Variants in ATRX observed in about 807,000 individuals in gnomAD.
ATRX encodes the protein chromatin remodeler ATRX.
In ATRX, 12 loss-of-function variants were observed where a neutral mutation model predicts 172.6. That is an observed-to-expected ratio of 0.07 (90% confidence interval 0.04 to 0.11). ATRX has a LOEUF of 0.11. Among genes scored for constraint, ATRX ranks in the 10% least tolerant of loss-of-function variants. The pLI, the probability that ATRX is intolerant of heterozygous loss-of-function variation, is 1.00. For missense variants in ATRX, 1,368 were observed against 1,767.4 expected (o/e 0.77, Z 4.05); for synonymous variants, 674 against 594.7 (o/e 1.13, Z -1.94).
intron 1 of ATRX, among the ~76,000 whole-genome samples, chrX:77,765,854 G>T (rs1340543091): frequency 1.8e-5 from 2 of 108,816 alleles, no homozygotes; most frequent in Non-Finnish European, 3.8e-5. Flanking sequence ...CACAGTGTTT[G>T]TGTCCCTGGG....
intron 28 of ATRX, among the ~76,000 whole-genome samples, chrX:77,561,170 T>C (rs918408327): frequency 1.8e-5 from 2 of 110,794 alleles, no homozygotes; most frequent in East Asian, 2.8e-4. Flanking sequence ...TTAGAGGACA[T>C]ACTTGAAGGT....
intron 19 of ATRX, among the ~76,000 whole-genome samples, chrX:77,621,851 C>A (rs1308146686): frequency 9.2e-5 from 10 of 108,286 alleles, no homozygotes; most frequent in Non-Finnish European, 1.7e-4. Flanking sequence ...TAAAAAAAAA[C>A]AACAACAACA....
At chrX:77,629,489 T>C (rs781947181) in intron 19 of ATRX, among the ~76,000 whole-genome samples, 2 of 111,911 alleles carry the variant, frequency 1.8e-5, no homozygotes, top group Non-Finnish European at 3.8e-5. Context: ...AGAATATTCT[T>C]GTTGCAGATG....
At chrX:77,637,939 C>CAAAAAAAAAAAAAAAAAAACAAAAA (rs2068466449) in intron 15 of ATRX, among the ~76,000 whole-genome samples, 1 of 42,838 alleles carries the variant, frequency 2.3e-5, no homozygotes, top group African/African-American at 1.0e-4. Context: ...AGCTCCATCT[C>CAAAAAAAAAAAAAAAAAAACAAAAA]AAAAAAAAAA....
In ATRX at chrX:77,777,191, T is replaced by TAAAA. The variant is rs782165810; in HGVS notation, c.20+8787_20+8790dup. ...CAATGTGGTAAAACCCTGTCTCTAC[T>TAAAA]AAAAAAAAAAAAAAAAAAAAAAAAA... On this transcript the variant is annotated intron_variant, in intron 1 of 34. Transcript: ENST00000373344. 7.3e-3 allele frequency among the ~76,000 whole-genome samples: 154 copies of TAAAA among 21,007 alleles called. 17 individuals are homozygous for TAAAA. Among genetic ancestry groups the TAAAA allele is most frequent in the African/African-American group, 7.8e-3 (44 of 5,621 alleles). 18.2% of individuals were successfully genotyped at this position (21,007 alleles called of 115,157 possible).
chrX:77,691,569 T>A (rs1005405181), intron 6 of ATRX, among the ~76,000 whole-genome samples: 1 of 111,412 alleles, frequency 9.0e-6, no homozygotes, highest in South Asian at 3.7e-4. Flanking sequence ...GAAAATTTTT[T>A]AAAAAATCAG....
At chrX:77,528,971 C>T (rs782367828) in intron 30 of ATRX, among the ~76,000 whole-genome samples, 17 of 112,214 alleles carry the variant, frequency 1.5e-4, no homozygotes, top group African/African-American at 5.5e-4. Flanking sequence ...AGGAACATAA[C>T]CAACCTGATG....
At chrX:77,749,272 C>G (rs2075211196) in intron 1 of ATRX, among the ~76,000 whole-genome samples, 1 of 111,120 alleles carries the variant, frequency 9.0e-6, no homozygotes, top group African/African-American at 3.3e-5. Context: ...CTGCAAAAGA[C>G]ATGATTTTTT....
chrX:77,620,881 AG>A (rs1319758811), intron 19 of ATRX, among the ~76,000 whole-genome samples: 1 of 112,276 alleles, frequency 8.9e-6, no homozygotes, highest in Non-Finnish European at 1.9e-5. Flanking sequence ...AAGTCTTTAA[AG>A]CTATTTCAGC....
chrX:77,592,423 A>G (rs1170489102), intron 26 of ATRX, among the ~76,000 whole-genome samples: 1 of 109,461 alleles, frequency 9.1e-6, no homozygotes, highest in Non-Finnish European at 1.9e-5. Flanking sequence ...CAAAAAAAAA[A>G]AAAAAAAAGC....
At chrX:77,539,058 C>T (rs1439348202) in intron 30 of ATRX, among the ~76,000 whole-genome samples, 1 of 109,736 alleles carries the variant, frequency 9.1e-6, no homozygotes, top group African/African-American at 3.3e-5. Flanking sequence ...CCAAGCCCAG[C>T]TAATTTTTCT....
At position 77,682,419 on chromosome X, in the gene ATRX, C is replaced by A. The variant is rs782623450; in HGVS notation, c.2837G>T (p.Ser946Ile). ...VRKVAETKEK[S>I]KHLKTKTCKK... is the part of the protein sequence containing the mutation. ...ACATGTTTTGGTTTTGAGATGCTTG[C>A]TCTTTTCTTTAGTTTCAGCAACTTT... The change falls in exon 9 of 35, where the codon AGC (serine) becomes ATC (isoleucine). Residue 946 changes from serine (S) to isoleucine (I), a missense_variant. By Grantham distance (142) the Ser-to-Ile change is moderately radical. Around this residue, in one of 17 missense-constraint regions of ATRX, gnomAD observed 843 missense variants for 643.1 expected, o/e 1.31. Coordinates refer to ENST00000373344, the MANE Select transcript of ATRX (RefSeq NM_000489.6). 8.3e-7 allele frequency: 1 copy of A among 1,209,554 alleles called. No homozygotes were observed. Among genetic ancestry groups the A allele is most frequent in the African/African-American group, 1.8e-5 (1 of 57,087 alleles).
chrX:77,769,911 C>T (rs2086891623), intron 1 of ATRX, among the ~76,000 whole-genome samples: 1 of 108,643 alleles, frequency 9.2e-6, no homozygotes, highest in African/African-American at 3.3e-5. Context: ...GCCTGAGCAA[C>T]ATGGTGAAAC....
chrX:77,672,024 T>C (rs1455013447), intron 10 of ATRX, among the ~76,000 whole-genome samples: 2 of 110,934 alleles, frequency 1.8e-5, no homozygotes, highest in Non-Finnish European at 3.8e-5. Flanking sequence ...ACCTGTGTTA[T>C]ACTTAAATGA....
chrX:77,697,927 G>A (rs2072275927), intron 3 of ATRX, among the ~76,000 whole-genome samples: 1 of 111,694 alleles, frequency 9.0e-6, no homozygotes, highest in African/African-American at 3.2e-5. Flanking sequence ...GGAATACACT[G>A]CTGCAAAATG....
intron 12 of ATRX, among the ~76,000 whole-genome samples, chrX:77,662,002 T>C (rs1432902714): frequency 9.0e-6 from 1 of 111,550 alleles, no homozygotes; most frequent in African/African-American, 3.3e-5. Context: ...CCTGCTTGTG[T>C]TGTAAATCTT....
chrX:77,765,103 G>A (rs899750127), intron 1 of ATRX, among the ~76,000 whole-genome samples: 1 of 110,174 alleles, frequency 9.1e-6, no homozygotes, highest in Non-Finnish European at 1.9e-5. Context: ...GGAGGTGGAG[G>A]TTGCAGTGAG....
intron 3 of ATRX, 116 bp from the exon 4 acceptor site, chrX:77,697,751 G>A (rs982984489): frequency 2.5e-5 from 14 of 553,835 alleles, no homozygotes; most frequent in Non-Finnish European, 3.6e-5. Context: ...CTATTTATGT[G>A]CCTAGAATAT....
At chrX:77,538,895 ATTTTTTTT>A (rs567391617) in intron 30 of ATRX, among the ~76,000 whole-genome samples, 43 of 89,360 alleles carry the variant, frequency 4.8e-4, no homozygotes, top group African/African-American at 1.7e-3. Context: ...ACTTTGCTCC[ATTTTTTTT>A]TTTTTTTTTT....
Sources: allele counts gnomAD v4.1 joint callset (sites outside exome capture counted in the v4.1 genomes callset), GRCh38; gene constraint gnomAD v4.1.1; regional missense constraint gnomAD v4.1.1; transcripts MANE v1.5; gene names NCBI Gene and HGNC (gene_info 2026-07-23, HGNC 2026-07-21).